SORCS2: variants seen among roughly 807,000 people sequenced by gnomAD.
The protein encoded by SORCS2 is sortilin related VPS10 domain containing receptor 2.
In SORCS2, 100 loss-of-function variants were observed where a neutral mutation model predicts 141.6. The observed-to-expected ratio is 0.71, with a 90% CI of 0.60 to 0.83. The LOEUF (loss-of-function observed/expected upper bound fraction) is 0.83, where lower values mean the gene tolerates loss of function less well. SORCS2 is among the 40% of genes least tolerant of loss of function. The pLI is 0.00. For missense variants in SORCS2, 1,646 were observed against 1,560.2 expected (o/e 1.05, Z -0.93); for synonymous variants, 789 against 676.9 (o/e 1.17, Z -2.57).
chr4:7,708,656 C>T (rs1003560844), intron 14 of SORCS2, among the ~76,000 whole-genome samples: 3 of 152,234 alleles, frequency 2.0e-5, no homozygotes, highest in African/African-American at 7.2e-5. Context: ...AATATGGCCT[C>T]CTGCGACAGG....
chr4:7,453,118 A>AGCTGTGTGTTGGGGTCAGGT (rs1728591407), intron 2 of SORCS2, among the ~76,000 whole-genome samples: 1 of 71,972 alleles, frequency 1.4e-5, no homozygotes, highest in African/African-American at 5.8e-5. Context: ...TGGGTTCAGG[A>AGCTGTGTGTTGGGGTCAGGT]GCTGTGTGTT....
At chr4:7,519,241 G>A (rs1171671522) in intron 2 of SORCS2, among the ~76,000 whole-genome samples, 1 of 152,158 alleles carries the variant, frequency 6.6e-6, no homozygotes, top group African/African-American at 2.4e-5. Context: ...ACCGTGGATG[G>A]TTATACACAA....
At chr4:7,354,225 G>A (rs1221881759) in intron 1 of SORCS2, among the ~76,000 whole-genome samples, 1 of 152,194 alleles carries the variant, frequency 6.6e-6, no homozygotes, top group Admixed American at 6.5e-5. Flanking sequence ...GGCCAGGGCA[G>A]TAGAGAGGGT....
chr4:7,430,228 C>T (rs1310006809), intron 2 of SORCS2: 1 of 150,938 alleles, frequency 6.6e-6, no homozygotes, highest in Admixed American at 6.6e-5. Context: ...TCCATGCTTT[C>T]CAGGAGAGCC....
intron 4 of SORCS2, among the ~76,000 whole-genome samples, chr4:7,646,813 C>T (rs762087613): frequency 1.3e-5 from 2 of 152,154 alleles, no homozygotes; most frequent in African/African-American, 4.8e-5. Flanking sequence ...CTCTGGGGTA[C>T]GTTGTTACGG....
chr4:7,342,846 A>G (rs1005735428), intron 1 of SORCS2, among the ~76,000 whole-genome samples: 20 of 152,064 alleles, frequency 1.3e-4, no homozygotes, highest in Admixed American at 1.2e-3. Flanking sequence ...GACTAATTTG[A>G]TCTCTTCCGT....
intron 1 of SORCS2, among the ~76,000 whole-genome samples, chr4:7,268,964 G>A (rs1365210313): frequency 6.6e-6 from 1 of 152,194 alleles, no homozygotes. Context: ...GGAGACCCAG[G>A]CTCCAGGGAG....
intron 1 of SORCS2, among the ~76,000 whole-genome samples, chr4:7,238,821 C>T (rs1323749070): frequency 6.6e-6 from 1 of 152,186 alleles, no homozygotes; most frequent in African/African-American, 2.4e-5. Flanking sequence ...CACACGGCCT[C>T]CCTGGGTTGG....
chr4:7,652,369 C>T (rs954833174), intron 4 of SORCS2, among the ~76,000 whole-genome samples: 1 of 152,328 alleles, frequency 6.6e-6, no homozygotes, highest in African/African-American at 2.4e-5. Context: ...CTGAGATCTC[C>T]AGGCCAGAGC....
chr4:7,351,875 A>G (rs554674384), intron 1 of SORCS2, among the ~76,000 whole-genome samples: 20 of 151,566 alleles, frequency 1.3e-4, no homozygotes, highest in East Asian at 5.8e-4. Flanking sequence ...TCCCCCATCC[A>G]TTCACCCACT....
At chr4:7,307,267 G>A (rs1039341863) in intron 1 of SORCS2, among the ~76,000 whole-genome samples, 2 of 152,218 alleles carry the variant, frequency 1.3e-5, no homozygotes, top group Non-Finnish European at 2.9e-5. Flanking sequence ...TCCTGGGAGG[G>A]GATTCTGGAA....
At chr4:7,428,617 G>A (rs146304041) in intron 2 of SORCS2, among the ~76,000 whole-genome samples, 126 of 152,278 alleles carry the variant, frequency 8.3e-4, no homozygotes, top group African/African-American at 2.9e-3. Context: ...TGAACCGCAG[G>A]AGGGACTGAG....
intron 1 of SORCS2, among the ~76,000 whole-genome samples, chr4:7,243,494 A>G (rs553495177): frequency 6.6e-6 from 1 of 152,242 alleles, no homozygotes; most frequent in African/African-American, 2.4e-5. Context: ...TGAAGGCTGG[A>G]GGAGCCCGGG....
intron 1 of SORCS2, among the ~76,000 whole-genome samples, chr4:7,354,234 G>T (rs932535419): frequency 6.6e-6 from 1 of 152,140 alleles, no homozygotes; most frequent in Non-Finnish European, 1.5e-5. Flanking sequence ...AGTAGAGAGG[G>T]TCAGTAGGAG....
At chr4:7,444,392 T>C (rs1727864035) in intron 2 of SORCS2, among the ~76,000 whole-genome samples, 1 of 152,168 alleles carries the variant, frequency 6.6e-6, no homozygotes, top group Non-Finnish European at 1.5e-5. Flanking sequence ...AGCATGTGTG[T>C]TCAGGGGAGG....
intron 2 of SORCS2, chr4:7,433,471 T>C: frequency 6.4e-7 from 1 of 1,573,560 alleles, no homozygotes; most frequent in African/African-American, 1.4e-5. Context: ...CCTGGGGCCG[T>C]GGCAGGCCCC....
At chr4:7,417,357 G>C (rs958124571) in intron 2 of SORCS2, among the ~76,000 whole-genome samples, 4 of 152,130 alleles carry the variant, frequency 2.6e-5, no homozygotes, top group Non-Finnish European at 5.9e-5. Context: ...AATGGGAGCT[G>C]ACAGGATTGC....
intron 9 of SORCS2, among the ~76,000 whole-genome samples, chr4:7,682,539 A>C (rs1173945552): frequency 6.6e-6 from 1 of 152,152 alleles, no homozygotes; most frequent in African/African-American, 2.4e-5. Flanking sequence ...CTAGCTTCCC[A>C]CTAAAACTGG....
intron 1 of SORCS2, among the ~76,000 whole-genome samples, chr4:7,279,717 G>A (rs1715744721): frequency 6.6e-6 from 1 of 152,188 alleles, no homozygotes; most frequent in South Asian, 2.1e-4. Context: ...AAGGAGGGTG[G>A]AGTCCATTCA....
Sources: gnomAD v4.1 joint callset for allele counts (sites outside exome capture counted in the v4.1 genomes callset) on GRCh38, gnomAD v4.1.1 for gene constraint, MANE v1.5 for transcripts, NCBI Gene and HGNC (gene_info 2026-07-23, HGNC 2026-07-21) for gene names.